Variants in ADGRE2 observed in about 807,000 individuals in gnomAD.
ADGRE2 encodes the protein adhesion G protein-coupled receptor E2.
Under a neutral mutation model 100.8 loss-of-function variants are expected in ADGRE2, and 83 were observed. The ratio of observed to expected loss-of-function variants is 0.82; its 90% CI spans 0.69 to 0.99. ADGRE2 has a LOEUF of 0.99. ADGRE2 is among the 50% of genes least tolerant of loss of function. ADGRE2 has a pLI of 0.00. For missense variants in ADGRE2, 814 were observed against 1,035.7 expected (o/e 0.79, Z 2.94); for synonymous variants, 355 against 413.0 (o/e 0.86, Z 1.70).
chr19:14,764,659 G>A (rs754583367), intron 10 of ADGRE2, 49 bp from the exon 11 acceptor site: 34 of 1,537,868 alleles, frequency 2.2e-5, no homozygotes, highest in South Asian at 1.2e-4. Context: ...CAGAGGGCCC[G>A]CATGAAGACT....
chr19:14,756,932 C>A (rs1297127651), intron 11 of ADGRE2, among the ~76,000 whole-genome samples: 2 of 148,582 alleles, frequency 1.3e-5, no homozygotes, highest in African/African-American at 2.5e-5. Flanking sequence ...TTTTTTGAGA[C>A]AAATTCTCAC....
Position 14,756,344 on chromosome 19 carries a change from T to C in ADGRE2, c.1086A>G (p.Glu362=). ...LLNFSYPAGT[E]LSLEVQKQVD... ...CTTGCTTCTGCACCTCCAGGGACAATTCTATGAGTTGTGGGAATTACATAA... is the reference window on the plus strand; with the variant it reads ...CTTGCTTCTGCACCTCCAGGGACAACTCTATGAGTTGTGGGAATTACATAA... The change falls in exon 12 of 21, where the codon GAA becomes GAG. Residue 362 remains glutamate (E), a splice_region_variant and synonymous_variant. Transcript: ENST00000315576. The C allele has an allele frequency of 6.2e-7, 1 of 1,608,700 alleles. No individual in the cohort carries two copies. Among genetic ancestry groups the C allele is most frequent in the South Asian group, 1.1e-5 (1 of 90,966 alleles).
intron 2 of ADGRE2, among the ~76,000 whole-genome samples, chr19:14,775,079 T>G (rs2044386481): frequency 6.6e-6 from 1 of 151,818 alleles, no homozygotes; most frequent in Non-Finnish European, 1.5e-5. Flanking sequence ...CTTGGCTCAC[T>G]GCAATCTCCA....
At chr19:14,740,293 C>T (rs2147109075) in intron 20 of ADGRE2, among the ~76,000 whole-genome samples, 1 of 151,692 alleles carries the variant, frequency 6.6e-6, no homozygotes, top group Middle Eastern at 3.4e-3. Flanking sequence ...ATAGAAGATC[C>T]TGTGTTGGAA....
intron 15 of ADGRE2, 93 bp from the exon 16 acceptor site, chr19:14,751,764 G>A: frequency 1.2e-5 from 10 of 850,666 alleles, no homozygotes; most frequent in South Asian, 8.3e-5. Flanking sequence ...AGAATTCTGA[G>A]ATATTTGATG....
In ADGRE2 at chr19:14,774,007, C is replaced by A. The variant is rs751483105; in HGVS notation, c.130G>T (p.Ala44Ser). 1 of 1,614,074 alleles carries A rather than the reference C, an allele frequency of 6.2e-7. No individual in the cohort carries two copies. The highest frequency in any genetic ancestry group is 1.1e-5 in the South Asian group (1 of 91,078). ...PQDSSCVNAT[A>S]CRCNPGFSSF... ...CTGAACCCTGGATTGCAGCGACAGG[C>A]GGTGGCATTGACACACGAGGAGTCC... The change falls in exon 4 of 21, where the codon GCC becomes TCC. Residue 44 changes from alanine to serine, a missense_variant. Ala to Ser is a moderately conservative substitution (Grantham distance 99). Around this residue, in one of 5 missense-constraint regions of ADGRE2, gnomAD observed 143 missense variants for 160.3 expected, o/e 0.89. Coordinates refer to ENST00000315576, the MANE Select transcript of ADGRE2 (RefSeq NM_013447.4).
rs2043482598 is a variant in ADGRE2, at chr19:14,755,807, C to T, written c.1263G>A (p.Leu421=). The change falls in exon 13 of 21, where the codon CTG becomes CTA. Residue 421 remains leucine, a synonymous_variant. Transcript: ENST00000315576. ...GKLLAEAPLV[L]EPEKQMLLHE... ...GCAGAAGCATCTGCTTCTCAGGTTC[C>T]AGGACCAGAGGGGCCTCAGCCAGCA... The T allele has an allele frequency of 6.2e-7, 1 of 1,614,086 alleles. No homozygotes were observed. The highest frequency in any genetic ancestry group is 1.3e-5 in the African/African-American group (1 of 74,928).
At chr19:14,744,409 C>T (rs2043024462) in intron 18 of ADGRE2, among the ~76,000 whole-genome samples, 2 of 152,056 alleles carry the variant, frequency 1.3e-5, no homozygotes, top group Admixed American at 6.6e-5. Flanking sequence ...ACAAGGGTGC[C>T]TGGAACAACA....
intron 11 of ADGRE2, among the ~76,000 whole-genome samples, chr19:14,761,980 A>G (rs774496566): frequency 3.3e-5 from 5 of 152,086 alleles, no homozygotes; most frequent in African/African-American, 4.8e-5. Flanking sequence ...TTTGCCTATT[A>G]AACCTCCACT....
chr19:14,727,573 AAACC>A (rs2042641886), downstream of ADGRE2, among the ~76,000 whole-genome samples: 4 of 152,038 alleles, frequency 2.6e-5, no homozygotes, highest in South Asian at 8.3e-4. Flanking sequence ...AGGGATTACT[AAACC>A]ATTCATGAGC....
chr19:14,764,183 C>T (rs148689739), intron 11 of ADGRE2, among the ~76,000 whole-genome samples: 2 of 152,242 alleles, frequency 1.3e-5, no homozygotes, highest in African/African-American at 4.8e-5. Flanking sequence ...TCACCTCAGC[C>T]TCCCAACTAG....
At chr19:14,777,014 A>ACACACACACACACC in intron 1 of ADGRE2, 87 bp from the exon 2 acceptor site, 1 of 1,281,644 alleles carries the variant, frequency 7.8e-7, no homozygotes, top group South Asian at 1.9e-5. Flanking sequence ...ACACACACAC[A>ACACACACACACACC]CGTGTACTCG....
Position 14,743,776 on chromosome 19 carries a change from GC to G in ADGRE2, c.2191del (p.Ala731HisfsTer69). 1.2e-6 allele frequency: 2 copies of G among 1,614,050 alleles called. No individual in the cohort carries two copies. The highest frequency in any genetic ancestry group is 1.7e-6 in the Non-Finnish European group (2 of 1,179,952). Reference sequence around the variant, plus strand: ...GAACAGCTGAGCTGTCGCTTTAAATGCCAGCATCCTGGATTGAGTAAGAAAG... The same window carrying G: ...GAACAGCTGAGCTGTCGCTTTAAATGCAGCATCCTGGATTGAGTAAGAAAG... ...VSTLRNTRML[A>X]FKATAQLFIL... On this transcript the variant is annotated frameshift_variant, in exon 19 of 21. Transcript: ENST00000315576. LOFTEE classifies it high-confidence loss of function.
At chr19:14,773,720 C>T (rs1474945721) in intron 4 of ADGRE2, among the ~76,000 whole-genome samples, 2 of 151,754 alleles carry the variant, frequency 1.3e-5, no homozygotes, top group African/African-American at 4.8e-5. Flanking sequence ...CCATGTTGCC[C>T]AGGCTGGTCT....
At chr19:14,748,451 G>GGT in intron 16 of ADGRE2, among the ~76,000 whole-genome samples, 9 of 152,104 alleles carry the variant, frequency 5.9e-5, no homozygotes, top group African/African-American at 2.2e-4. Flanking sequence ...TGGGATTACA[G>GGT]GCACCCACGA....
intron 16 of ADGRE2, 115 bp downstream of exon 16, chr19:14,751,321 G>T: frequency 1.4e-6 from 1 of 712,670 alleles, no homozygotes; most frequent in Non-Finnish European, 2.4e-6. Flanking sequence ...AACCAATAGA[G>T]CCTAAAATCC....
At chr19:14,773,273 T>A (rs58437114) in intron 4 of ADGRE2, among the ~76,000 whole-genome samples, 2,716 of 150,784 alleles carry the variant, frequency 0.018, 42 homozygotes, top group South Asian at 0.064. Flanking sequence ...CCCTTCATAT[T>A]TTTTCCTTTT....
At chr19:14,747,985 G>A (rs986519806) in intron 16 of ADGRE2, among the ~76,000 whole-genome samples, 8 of 151,908 alleles carry the variant, frequency 5.3e-5, no homozygotes, top group South Asian at 2.1e-4. Flanking sequence ...TTTTCTAAAC[G>A]TTTATTTTAG....
Position 14,732,641 on chromosome 19 carries a change from G to T in ADGRE2, c.*3595C>A, listed in dbSNP as rs2042682786. The T allele has an allele frequency of 6.6e-6, 1 of 152,146 alleles. No individual in the cohort carries two copies. Among genetic ancestry groups the T allele is most frequent in the Admixed American group, 6.6e-5 (1 of 15,266 alleles). The allele number at this position is 152,146 out of a possible 1,614,324, so 9.4% of individuals were successfully genotyped here. ...AATAGTTTTTACATTTTTCAAATGG[G>T]TGAAAACAAATAAAAAGAAGAATGA... On this transcript the variant is annotated 3_prime_UTR_variant, in exon 21 of 21. Transcript: ENST00000315576.
Sources: allele counts gnomAD v4.1 joint callset (sites outside exome capture counted in the v4.1 genomes callset), GRCh38; gene constraint gnomAD v4.1.1; regional missense constraint gnomAD v4.1.1; transcripts MANE v1.5; gene names NCBI Gene and HGNC (gene_info 2026-07-23, HGNC 2026-07-21).